Variants in EPHA8 observed in about 807,000 individuals in gnomAD.
The protein encoded by EPHA8 is ephrin type-A receptor 8.
In EPHA8, 58 loss-of-function variants were observed where a neutral mutation model predicts 103.6. That is an observed-to-expected ratio of 0.56 (90% CI 0.45 to 0.70). EPHA8 has a LOEUF of 0.70. Among genes scored for constraint, EPHA8 ranks in the 30% least tolerant of loss-of-function variants. EPHA8 has a pLI of 0.00. For synonymous variants in EPHA8, 559 were observed against 572.5 expected (o/e 0.98, Z 0.34); for missense variants, 1,304 against 1,395.2 (o/e 0.93, Z 1.04).
Position 22,576,798 on chromosome 1 carries a change from C to A in EPHA8, c.741C>A (p.Cys247Ter). ...AGCGGGACACACCCAAGATGTACTG[C>A]AGCGCGGAGGGCGAGTGGCTCGTGC... The part of the protein sequence containing the change: ...SEERDTPKMY[C>*]SAEGEWLVPI... Residue 247 changes from cysteine (C) to a stop codon, truncating the protein, a stop_gained, in exon 3 of 17, where the codon TGC (cysteine) becomes TGA (stop). Transcript: ENST00000166244. LOFTEE classifies it high-confidence loss of function. This position sits in a 1 kb window ranked among gnomAD's most constrained non-coding sequence, Gnocchi z 4.8. 1 of 1,613,244 alleles carries A rather than the reference C, an allele frequency of 6.2e-7. No homozygotes were observed. Among genetic ancestry groups the A allele is most frequent in the Non-Finnish European group, 8.5e-7 (1 of 1,179,762 alleles).
rs746416885 is a variant in EPHA8 at position 22,597,708 on chromosome 1, C to T, written c.1963C>T (p.Arg655Trp). 53 of 1,611,628 alleles carry T rather than the reference C, an allele frequency of 3.3e-5. No homozygotes were observed. The highest frequency in any genetic ancestry group is 3.9e-5 in the Non-Finnish European group (46 of 1,179,242). The change falls in exon 11 of 17, where the codon CGG becomes TGG. Residue 655 changes from arginine (R) to tryptophan (W), a missense_variant. Arg to Trp is a moderately radical substitution (Grantham distance 101, BLOSUM62 -3). Transcript: ENST00000166244. The surrounding 1 kb of genome is among the most constrained non-coding windows in gnomAD (Gnocchi z 4.6). ...DSGEVCYGRL[R>W]VPGQRDVPVA... ...CGGGGAAGTCTGCTACGGGAGGCTG[C>T]GGGTGCCAGGGCAGCGGGATGTGCC...
chr1:22,590,885 C>T (rs936995489), intron 5 of EPHA8, among the ~76,000 whole-genome samples: 12 of 152,140 alleles, frequency 7.9e-5, no homozygotes, highest in South Asian at 2.1e-4. Context: ...GCACCTGCCC[C>T]GCCCTAGGAC....
chr1:22,593,651 T>C lies in EPHA8; in HGVS notation c.1568T>C (p.Phe523Ser). 1 of 1,605,458 alleles carries C rather than the reference T, an allele frequency of 6.2e-7. No homozygotes were observed. The highest frequency in any genetic ancestry group is 8.5e-7 in the Non-Finnish European group (1 of 1,176,458). Residue 523 changes from phenylalanine to serine, a missense_variant, in exon 7 of 17, where the codon TTC (phenylalanine) becomes TCC (serine). Coordinates refer to ENST00000166244, the MANE Select transcript of EPHA8 (RefSeq NM_020526.5). Reference sequence around the variant, plus strand: ...CGCACCTCAGCAGGCTGTGGCCGCTTCAGCCAGGCCATGGAGGTGGAGACC... The same window carrying C: ...CGCACCTCAGCAGGCTGTGGCCGCTCCAGCCAGGCCATGGAGGTGGAGACC... ...RARTSAGCGR[F>S]SQAMEVETGK...
intron 3 of EPHA8, among the ~76,000 whole-genome samples, chr1:22,579,108 TGC>T (rs1640947375): frequency 6.8e-6 from 1 of 146,330 alleles, no homozygotes; most frequent in Admixed American, 6.7e-5. Context: ...TGTGTATGTG[TGC>T]ATGTGTACGT....
intron 4 of EPHA8, 71 bp from the exon 5 acceptor site, chr1:22,588,800 G>C: frequency 6.6e-7 from 1 of 1,511,994 alleles, no homozygotes; most frequent in Non-Finnish European, 8.8e-7. Flanking sequence ...GGGAGCCCCA[G>C]GTCTGATGAT....
chr1:22,575,510 A>T (rs1569960628), intron 2 of EPHA8, among the ~76,000 whole-genome samples: 1 of 152,156 alleles, frequency 6.6e-6, no homozygotes, highest in Admixed American at 6.5e-5. Flanking sequence ...CAGCTACATG[A>T]TTTGCACATA....
chr1:22,601,440 C>T lies in EPHA8; in HGVS notation c.2870C>T (p.Ser957Phe), dbSNP rs912923867. 1.2e-5 allele frequency: 19 copies of T among 1,610,534 alleles called. No homozygotes were observed. The highest frequency in any genetic ancestry group is 2.2e-5 in the East Asian group (1 of 44,852). The stretch of plus-strand genomic sequence containing the variant: ...GACCACTTCGCTGCGGGCGGATACT[C>T]CTCTCTGGGCATGGTGCTACGCATG... ...YRDHFAAGGY[S>F]SLGMVLRMNA... The change falls in exon 16 of 17, where the codon TCC (serine) becomes TTC (phenylalanine). Residue 957 changes from serine (S) to phenylalanine (F), a missense_variant. Coordinates refer to ENST00000166244, the MANE Select transcript of EPHA8 (RefSeq NM_020526.5).
Position 22,598,126 on chromosome 1 carries a change from C to T in EPHA8, c.2117-25C>T. 1 of 1,612,756 alleles carries T rather than the reference C, an allele frequency of 6.2e-7. No individual in the cohort carries two copies. On this transcript the variant is annotated intron_variant, in intron 11 of 16. Coordinates refer to ENST00000166244, the MANE Select transcript of EPHA8 (RefSeq NM_020526.5). This position sits in a 1 kb window ranked among gnomAD's most constrained non-coding sequence, Gnocchi z 5.1. ...CAGCCCTGAGCCCCAAACCAAGAGC[C>T]ACCCTCTCCCTACTGCCCGCCCAGG...
intron 4 of EPHA8, 146 bp downstream of exon 4, chr1:22,586,781 G>GGGGT (rs60166039): frequency 0.14 from 123,224 of 897,406 alleles, 10,336 homozygotes; most frequent in African/African-American, 0.42. Flanking sequence ...AGTCTGAGGT[G>GGGGT]GGGGGGGTGA....
Position 22,576,864 on chromosome 1 carries a change from G to C in EPHA8, c.807G>C (p.Arg269=), listed in dbSNP as rs1640722317. The C allele has an allele frequency of 6.3e-7, 1 of 1,594,370 alleles. No individual in the cohort carries two copies. The highest frequency in any genetic ancestry group is 1.7e-5 in the Admixed American group (1 of 59,436). ...KCVCSAGYEE[R]RDACVACELG... ...TGTGCAGTGCCGGCTACGAGGAGCG[G>C]CGGGATGCCTGTGTGGGTGAGCGCG... The change falls in exon 3 of 17, where the codon CGG becomes CGC. Residue 269 remains arginine, a synonymous_variant. Transcript: ENST00000166244. This position sits in a 1 kb window ranked among gnomAD's most constrained non-coding sequence, Gnocchi z 4.8.
At chr1:22,566,729 T>G (rs1218535795) in intron 1 of EPHA8, among the ~76,000 whole-genome samples, 1 of 152,132 alleles carries the variant, frequency 6.6e-6, no homozygotes, top group Non-Finnish European at 1.5e-5. Context: ...AGGGTCTGAA[T>G]TCCCAAGGGG....
At chr1:22,596,540 C>T (rs1168498603) in intron 9 of EPHA8, among the ~76,000 whole-genome samples, 1 of 152,240 alleles carries the variant, frequency 6.6e-6, no homozygotes, top group East Asian at 1.9e-4. Context: ...CTCCACACCC[C>T]ACTCCTGTGC....
At chr1:22,593,025 A>C (rs1184152089) in intron 5 of EPHA8, among the ~76,000 whole-genome samples, 1 of 152,124 alleles carries the variant, frequency 6.6e-6, no homozygotes, top group Non-Finnish European at 1.5e-5. Flanking sequence ...AAGCACTCCC[A>C]AGCAGCTGGT....
At chr1:22,574,544 C>A (rs1053470372) in intron 2 of EPHA8, among the ~76,000 whole-genome samples, 3 of 152,158 alleles carry the variant, frequency 2.0e-5, no homozygotes, top group Non-Finnish European at 4.4e-5. Flanking sequence ...CTAGGTACTG[C>A]GTATACATGG....
At chr1:22,572,812 G>T (rs1640580427) in intron 2 of EPHA8, among the ~76,000 whole-genome samples, 1 of 152,178 alleles carries the variant, frequency 6.6e-6, no homozygotes. Context: ...GATGAGAGTG[G>T]CACCCATCAC....
At chr1:22,585,629 T>C (rs79962833) in intron 3 of EPHA8, among the ~76,000 whole-genome samples, 10,110 of 152,228 alleles carry the variant, frequency 0.066, 378 homozygotes, top group South Asian at 0.19. Context: ...AGTGGTTGAC[T>C]GAATGCATGA....
chr1:22,600,405 C>T (rs926519662), intron 13 of EPHA8, among the ~76,000 whole-genome samples: 4 of 150,174 alleles, frequency 2.7e-5, no homozygotes, highest in South Asian at 2.1e-4. Flanking sequence ...TAGGCTGTGG[C>T]CCCTGAGCCC....
chr1:22,579,604 C>T (rs552595214), intron 3 of EPHA8, among the ~76,000 whole-genome samples: 2 of 152,286 alleles, frequency 1.3e-5, no homozygotes, highest in African/African-American at 4.8e-5. Context: ...TCCAGCTGTT[C>T]CTGGTCTTGG....
Position 22,567,486 on chromosome 1 carries a change from G to A in EPHA8, c.95-1803G>A, listed in dbSNP as rs1323196994. Among the ~76,000 whole-genome samples, 6 of 152,006 alleles carry A rather than the reference G, an allele frequency of 3.9e-5. No homozygotes were observed. The South Asian group carries it at 8.3e-4, about 21-fold the overall frequency. On this transcript the variant is annotated intron_variant, in intron 1 of 16. Coordinates refer to ENST00000166244, the MANE Select transcript of EPHA8 (RefSeq NM_020526.5). The surrounding 1 kb of genome is among the most constrained non-coding windows in gnomAD (Gnocchi z 4.2). ...CTTGGGGAGGGGGAGGTCCCTCTGC[G>A]GACATTCGCTGTGTCCCCTGATCCC...
Sources: allele counts gnomAD v4.1 joint callset (sites outside exome capture counted in the v4.1 genomes callset), GRCh38; gene constraint gnomAD v4.1.1; non-coding constraint Gnocchi (gnomAD v3.1); transcripts MANE v1.5; gene names NCBI Gene and HGNC (gene_info 2026-07-23, HGNC 2026-07-21).